The following CDH20 variants were observed in gnomAD, a reference collection of about 807,000 sequenced individuals.
The protein encoded by CDH20 is cadherin-20.
CDH20 carries 29 observed loss-of-function variants against 74.2 expected under a neutral mutation model. That is an observed-to-expected ratio of 0.39 (90% CI 0.29 to 0.53). The LOEUF (loss-of-function observed/expected upper bound fraction) is 0.53. CDH20 is among the 20% of genes least tolerant of loss of function. CDH20 has a pLI of 0.69. For synonymous variants in CDH20, 469 were observed against 405.4 expected (o/e 1.16, Z -1.88); for missense variants, 988 against 1,048.3 (o/e 0.94, Z 0.79).
chr18:61,463,015 G>A (rs964035182), intron 1 of CDH20, among the ~76,000 whole-genome samples: 28 of 152,310 alleles, frequency 1.8e-4, no homozygotes, highest in African/African-American at 6.5e-4. Context: ...ACATATTGTA[G>A]TAAACAACTT....
intron 1 of CDH20, among the ~76,000 whole-genome samples, chr18:61,474,327 A>C (rs1910292752): frequency 6.6e-6 from 1 of 152,148 alleles, no homozygotes; most frequent in Non-Finnish European, 1.5e-5. Flanking sequence ...GAATTTTTAA[A>C]ATGTGGATAT....
At chr18:61,492,915 G>T (rs756978470) in intron 2 of CDH20, among the ~76,000 whole-genome samples, 2 of 152,208 alleles carry the variant, frequency 1.3e-5, no homozygotes, top group Non-Finnish European at 2.9e-5. Context: ...TTTAATAAAT[G>T]AATGTCTCAC....
chr18:61,463,545 G>C (rs1357777348), intron 1 of CDH20, among the ~76,000 whole-genome samples: 2 of 152,144 alleles, frequency 1.3e-5, no homozygotes, highest in African/African-American at 2.4e-5. Flanking sequence ...GAGGGGTGAA[G>C]GTGGTGGGGC....
chr18:61,525,074 T>A (rs1431240699), intron 6 of CDH20, among the ~76,000 whole-genome samples: 1 of 149,228 alleles, frequency 6.7e-6, no homozygotes, highest in Non-Finnish European at 1.5e-5. Context: ...CATGAATCAG[T>A]GTTTGCCAGG....
chr18:61,474,556 A>C (rs1369351540), intron 1 of CDH20, among the ~76,000 whole-genome samples: 1 of 152,054 alleles, frequency 6.6e-6, no homozygotes, highest in Non-Finnish European at 1.5e-5. Flanking sequence ...TCGGGATTCT[A>C]CTCTTTTAAT....
intron 1 of CDH20, among the ~76,000 whole-genome samples, chr18:61,480,809 TCA>T (rs1364399774): frequency 6.6e-6 from 1 of 152,246 alleles, no homozygotes; most frequent in Non-Finnish European, 1.5e-5. Flanking sequence ...ACAAGTGATC[TCA>T]CAGTTCTAGT....
chr18:61,366,021 T>C (rs1177013665), intron 1 of CDH20, among the ~76,000 whole-genome samples: 1 of 152,248 alleles, frequency 6.6e-6, no homozygotes, highest in Non-Finnish European at 1.5e-5. Flanking sequence ...TTGCACGTTT[T>C]AAGCCTCTTA....
At chr18:61,516,786 G>A (rs1599140750) in intron 6 of CDH20, among the ~76,000 whole-genome samples, 1 of 152,156 alleles carries the variant, frequency 6.6e-6, no homozygotes, top group Non-Finnish European at 1.5e-5. Flanking sequence ...TAGGATGGAG[G>A]TGGGAGGATC....
At chr18:61,412,650 T>C (rs1912552086) in intron 1 of CDH20, among the ~76,000 whole-genome samples, 1 of 152,162 alleles carries the variant, frequency 6.6e-6, no homozygotes, top group Non-Finnish European at 1.5e-5. Context: ...TCAAAAAAGA[T>C]TTTAAATAGC....
intron 1 of CDH20, among the ~76,000 whole-genome samples, chr18:61,375,843 C>G (rs1287301203): frequency 6.6e-6 from 1 of 152,052 alleles, no homozygotes; most frequent in Non-Finnish European, 1.5e-5. Flanking sequence ...TCTTTAATCT[C>G]TTACATTTTC....
rs551069308 is a variant in CDH20, at chr18:61,415,256, CT to C, written c.-152-75141del. Among the ~76,000 whole-genome samples, 558 of 152,164 alleles carry C rather than the reference CT, an allele frequency of 3.7e-3. 5 individuals are homozygous for C. Among genetic ancestry groups the C allele is most frequent in the African/African-American group, 0.013 (533 of 41,548 alleles). On this transcript the variant is annotated intron_variant, in intron 1 of 11. Transcript: ENST00000262717. ...ATTTATCATCTGAGTCCAATGGGTCCTTTTTAAAATATATATTTTAAGTCAT... is the reference window on the plus strand; with the variant it reads ...ATTTATCATCTGAGTCCAATGGGTCCTTTTAAAATATATATTTTAAGTCAT...
chr18:61,544,305 G>A lies in CDH20; in HGVS notation c.1531-722G>A, dbSNP rs547868618. Among the ~76,000 whole-genome samples, 15 of 152,350 alleles carry A rather than the reference G, an allele frequency of 9.8e-5. 1 individual carries two copies. Among genetic ancestry groups the A allele is most frequent in the South Asian group, 6.2e-4 (3 of 4,826 alleles). The stretch of plus-strand genomic sequence containing the variant: ...TAGGACTCCTGAAGCCCAAGTGGGC[G>A]TGTGTTACAGTGTGCTCACTCTCAG... On this transcript the variant is annotated intron_variant, in intron 9 of 11. Transcript: ENST00000262717.
intron 1 of CDH20, among the ~76,000 whole-genome samples, chr18:61,384,079 A>G (rs1215230203): frequency 6.6e-6 from 1 of 152,188 alleles, no homozygotes; most frequent in Non-Finnish European, 1.5e-5. Flanking sequence ...TGAGAGAAAC[A>G]GGGGGTGGTG....
At position 61,554,127 on chromosome 18, in the gene CDH20, C is replaced by T. The variant is rs1187403596; in HGVS notation, c.1901-63C>T. On this transcript the variant is annotated intron_variant, in intron 11 of 11. Transcript: ENST00000262717. Reference sequence around the variant, plus strand: ...TATCCGTGGTGAATCAAGACTACTTCTAGTCACCGCACACACAGCCACATC... The same window carrying T: ...TATCCGTGGTGAATCAAGACTACTTTTAGTCACCGCACACACAGCCACATC... 4 of 1,551,568 alleles carry T rather than the reference C, an allele frequency of 2.6e-6. No individual in the cohort carries two copies. In the East Asian group the frequency reaches 6.8e-5, roughly 26 times the overall value.
At chr18:61,462,742 G>A (rs1203227728) in intron 1 of CDH20, among the ~76,000 whole-genome samples, 8 of 149,540 alleles carry the variant, frequency 5.3e-5, no homozygotes, top group African/African-American at 2.0e-4. Flanking sequence ...GGGGCATCTA[G>A]GGCATGTCAA....
intron 6 of CDH20, among the ~76,000 whole-genome samples, chr18:61,520,956 C>G (rs1337519971): frequency 6.6e-6 from 1 of 150,998 alleles, no homozygotes; most frequent in Non-Finnish European, 1.5e-5. Context: ...CACTAAATGC[C>G]CACAGGAGAA....
chr18:61,542,250 C>A (rs1913066863), intron 9 of CDH20, among the ~76,000 whole-genome samples: 1 of 152,174 alleles, frequency 6.6e-6, no homozygotes, highest in South Asian at 2.1e-4. Flanking sequence ...GTGAGCAGCA[C>A]TGATACTAGG....
At chr18:61,456,517 C>T (rs979701580) in intron 1 of CDH20, among the ~76,000 whole-genome samples, 2 of 151,992 alleles carry the variant, frequency 1.3e-5, no homozygotes, top group African/African-American at 4.8e-5. Context: ...CATGGTTAAA[C>T]AGATAATATA....
intron 6 of CDH20, among the ~76,000 whole-genome samples, chr18:61,522,564 C>A (rs1206083874): frequency 1.3e-5 from 2 of 152,164 alleles, no homozygotes; most frequent in African/African-American, 4.8e-5. Flanking sequence ...GAAAAAACTT[C>A]TTTGAATTTC....
Sources: allele counts gnomAD v4.1 joint callset (sites outside exome capture counted in the v4.1 genomes callset), GRCh38; gene constraint gnomAD v4.1.1; transcripts MANE v1.5; gene names NCBI Gene and HGNC (gene_info 2026-07-23, HGNC 2026-07-21).